CAMSAP2: variants seen among roughly 807,000 people sequenced by gnomAD.
CAMSAP2 encodes calmodulin regulated spectrin associated protein family member 2, also known as calmodulin-regulated spectrin-associated protein 2.
Under a neutral mutation model 146.1 loss-of-function variants are expected in CAMSAP2, and 26 were observed. That is an observed-to-expected ratio of 0.18 (90% CI 0.13 to 0.25). The LOEUF (loss-of-function observed/expected upper bound fraction) is 0.25. CAMSAP2 is among the 10% of genes least tolerant of loss of function. CAMSAP2 has a pLI of 1.00. For synonymous variants in CAMSAP2, 499 were observed against 596.6 expected, an observed-to-expected ratio of 0.84 and a Z score of 2.38; for missense variants, 1,381 against 1,759.3, an observed-to-expected ratio of 0.78 and a Z score of 3.85.
At chr1:200,830,947 C>T (rs1571809305) in intron 4 of CAMSAP2, among the ~76,000 whole-genome samples, 2 of 152,114 alleles carry the variant, frequency 1.3e-5, no homozygotes, top group East Asian at 3.9e-4. Flanking sequence ...TGATGCTTTT[C>T]TGAGAGATAG....
At chr1:200,771,033 A>C (rs1253170181) in intron 2 of CAMSAP2, among the ~76,000 whole-genome samples, 2 of 152,270 alleles carry the variant, frequency 1.3e-5, no homozygotes, top group East Asian at 3.9e-4. Context: ...GTCCTTGTGG[A>C]TTATACCATG....
intron 2 of CAMSAP2, among the ~76,000 whole-genome samples, chr1:200,769,543 T>G (rs1665056190): frequency 6.6e-6 from 1 of 152,122 alleles, no homozygotes; most frequent in Admixed American, 6.5e-5. Flanking sequence ...AGTCCAGGCC[T>G]CCGGTACTTC....
intron 9 of CAMSAP2, 125 bp from the exon 10 acceptor site, chr1:200,847,515 C>G: frequency 1.2e-6 from 1 of 811,582 alleles, no homozygotes; most frequent in Non-Finnish European, 2.0e-6. Context: ...ATCTCTAATT[C>G]TCCTTATGTA....
intron 2 of CAMSAP2, among the ~76,000 whole-genome samples, chr1:200,806,176 A>G (rs1170538192): frequency 1.3e-5 from 2 of 152,226 alleles, no homozygotes; most frequent in Non-Finnish European, 2.9e-5. Context: ...AAACTAGGGG[A>G]AAGTATTTGC....
At chr1:200,817,181 C>CAT (rs1553288773) in intron 4 of CAMSAP2, among the ~76,000 whole-genome samples, 47 of 53,786 alleles carry the variant, frequency 8.7e-4, no homozygotes, top group South Asian at 8.2e-3. Flanking sequence ...TGTATATACA[C>CAT]ACACACACAT....
Position 200,857,903 on chromosome 1 carries a change from T to G in CAMSAP2, c.4281T>G (p.Ile1427Met). 1.2e-6 allele frequency: 2 copies of G among 1,613,852 alleles called. No homozygotes were observed. Among genetic ancestry groups the G allele is most frequent in the Non-Finnish European group, 1.7e-6 (2 of 1,179,822 alleles). Reference sequence around the variant, plus strand: ...CTAAATCTATCACTAAAAAAATGATTGAAGGACTTTACAAATATAATTCTG... The same window carrying G: ...CTAAATCTATCACTAAAAAAATGATGGAAGGACTTTACAAATATAATTCTG... The part of the protein sequence containing the change: ...IGPKSITKKM[I>M]EGLYKYNSDR... Residue 1427 changes from isoleucine to methionine, a missense_variant, in exon 17 of 17, where the codon ATT becomes ATG. By Grantham distance (10) the Ile-to-Met change is conservative. Coordinates refer to ENST00000358823, the MANE Select transcript of CAMSAP2 (RefSeq NM_203459.4). This position sits in a 1 kb window ranked among gnomAD's most constrained non-coding sequence, Gnocchi z 4.7.
Position 200,739,817 on chromosome 1 carries a change from C to G in CAMSAP2, c.-11C>G. 1 of 1,612,976 alleles carries G rather than the reference C, an allele frequency of 6.2e-7. No homozygotes were observed. Among genetic ancestry groups the G allele is most frequent in the Non-Finnish European group, 8.5e-7 (1 of 1,179,380 alleles). On this transcript the variant is annotated 5_prime_UTR_variant, in exon 1 of 17. Coordinates refer to ENST00000358823, the MANE Select transcript of CAMSAP2 (RefSeq NM_203459.4). The surrounding 1 kb of genome is among the most constrained non-coding windows in gnomAD (Gnocchi z 4.8). Reference sequence around the variant, plus strand: ...TTAGGGCCGGGACATCCCGAGGAGCCGCGGTGAAAGATGGGGGATGCTGCA... The same window carrying G: ...TTAGGGCCGGGACATCCCGAGGAGCGGCGGTGAAAGATGGGGGATGCTGCA...
intron 6 of CAMSAP2, among the ~76,000 whole-genome samples, chr1:200,837,707 A>G (rs1258462116): frequency 6.6e-6 from 1 of 152,164 alleles, no homozygotes; most frequent in Non-Finnish European, 1.5e-5. Context: ...GTCCATGAGC[A>G]TGGAATGTTT....
intron 6 of CAMSAP2, among the ~76,000 whole-genome samples, chr1:200,841,651 G>A (rs887929345): frequency 1.3e-5 from 2 of 152,190 alleles, no homozygotes; most frequent in African/African-American, 4.8e-5. Flanking sequence ...CCTCTTTAGA[G>A]TGTCAGATGA....
chr1:200,854,723 G>T (rs1026864783), intron 13 of CAMSAP2, 94 bp from the exon 14 acceptor site: 1 of 782,476 alleles, frequency 1.3e-6, no homozygotes. Context: ...TTATATGCTG[G>T]TGTTATCTAA....
At position 200,784,161 on chromosome 1, in the gene CAMSAP2, C is replaced by T. The variant is rs557554698; in HGVS notation, c.399+23063C>T. Among the ~76,000 whole-genome samples the T allele has an allele frequency of 4.7e-4, 71 of 152,282 alleles. 1 individual carries two copies. Among genetic ancestry groups the T allele is most frequent in the Non-Finnish European group, 7.1e-4 (48 of 68,030 alleles). The stretch of plus-strand genomic sequence containing the variant: ...TTTAGATGTCTGTTAGGCTGTGCCA[C>T]ACAGTCTTGACTAATGTAGCTTCAT... On this transcript the variant is annotated intron_variant, in intron 2 of 16. Transcript: ENST00000358823.
At chr1:200,837,651 C>T (rs536708653) in intron 6 of CAMSAP2, among the ~76,000 whole-genome samples, 2 of 152,124 alleles carry the variant, frequency 1.3e-5, no homozygotes, top group Non-Finnish European at 2.9e-5. Flanking sequence ...TGAATCTATA[C>T]ATTGATTTGG....
intron 14 of CAMSAP2, among the ~76,000 whole-genome samples, chr1:200,855,744 G>A (rs921215865): frequency 2.6e-5 from 4 of 151,808 alleles, no homozygotes; most frequent in Non-Finnish European, 5.9e-5. Flanking sequence ...TTACAGGCGC[G>A]TACCACCATG....
intron 2 of CAMSAP2, among the ~76,000 whole-genome samples, chr1:200,777,981 T>C (rs1227905124): frequency 3.9e-5 from 6 of 152,194 alleles, no homozygotes; most frequent in African/African-American, 9.7e-5. Flanking sequence ...CTCACACTTA[T>C]AATCCCAGCA....
intron 4 of CAMSAP2, among the ~76,000 whole-genome samples, chr1:200,826,890 CA>C (rs1362222293): frequency 1.3e-5 from 2 of 151,770 alleles, no homozygotes; most frequent in African/African-American, 2.4e-5. Flanking sequence ...AAAAAAAAAT[CA>C]AAAAACCTTT....
chr1:200,785,593 T>A (rs942572949), intron 2 of CAMSAP2, among the ~76,000 whole-genome samples: 2 of 152,200 alleles, frequency 1.3e-5, no homozygotes, highest in Non-Finnish European at 2.9e-5. Context: ...TTTCGCCATG[T>A]TTGCCAGGCC....
chr1:200,851,487 G>T (rs1387014969), intron 11 of CAMSAP2, among the ~76,000 whole-genome samples: 1 of 152,182 alleles, frequency 6.6e-6, no homozygotes, highest in African/African-American at 2.4e-5. Flanking sequence ...GAGCCCCCGT[G>T]CCCAGCCAAG....
At chr1:200,742,201 C>T (rs73086628) in intron 1 of CAMSAP2, among the ~76,000 whole-genome samples, 15,771 of 152,194 alleles carry the variant, frequency 0.1, 888 homozygotes, top group Middle Eastern at 0.14. Flanking sequence ...TACTCTATAC[C>T]GTTCTGCAGA....
At position 200,858,390 on chromosome 1, in the gene CAMSAP2, G is replaced by C. The variant is rs1667798936; in HGVS notation, c.*331G>C. On this transcript the variant is annotated 3_prime_UTR_variant, in exon 17 of 17. Transcript: ENST00000358823. ...GGATTTATCATTGAAATATGGTTAAGATTACAAATTATGTGTTTTATTTGT... is the reference window on the plus strand; with the variant it reads ...GGATTTATCATTGAAATATGGTTAACATTACAAATTATGTGTTTTATTTGT... 5.0e-6 allele frequency: 1 copy of C among 201,310 alleles called. No homozygotes were observed. The highest frequency in any genetic ancestry group is 9.9e-6 in the Non-Finnish European group (1 of 100,536). The allele number at this position is 201,310 out of a possible 1,614,324, so 12.5% of individuals were successfully genotyped here. A position where few individuals can be genotyped will look rare whatever the true frequency, so the allele number is the denominator to read the frequency against.
Sources: gnomAD v4.1 joint callset for allele counts (sites outside exome capture counted in the v4.1 genomes callset) on GRCh38, gnomAD v4.1.1 for gene constraint, Gnocchi (gnomAD v3.1) non-coding constraint, MANE v1.5 for transcripts, NCBI Gene and HGNC (gene_info 2026-07-23, HGNC 2026-07-21) for gene names.